The following SGMS2 variants were observed in gnomAD, a reference collection of about 807,000 sequenced individuals.
SGMS2 encodes sphingomyelin synthase 2, also known as phosphatidylcholine:ceramide cholinephosphotransferase 2.
SGMS2 carries 21 observed loss-of-function variants against 43.8 expected under a neutral mutation model. The observed-to-expected ratio is 0.48, with a 90% CI of 0.34 to 0.69. The LOEUF is 0.69. Among genes scored for constraint, SGMS2 ranks in the 30% least tolerant of loss-of-function variants. The probability of loss-of-function intolerance (pLI) is 0.01; values close to 1 mark genes in which losing one functional copy is unlikely to be tolerated. For missense variants in SGMS2, 384 were observed against 443.2 expected, an observed-to-expected ratio of 0.87 and a Z score of 1.20; for synonymous variants, 167 against 160.6, an observed-to-expected ratio of 1.04 and a Z score of -0.30.
At chr4:107,884,077 A>G (rs576427207) in intron 2 of SGMS2, among the ~76,000 whole-genome samples, 5 of 127,180 alleles carry the variant, frequency 3.9e-5, no homozygotes, top group Non-Finnish European at 6.5e-5. Flanking sequence ...AGTCTTCAAA[A>G]TAATGTTTTC....
intron 2 of SGMS2, among the ~76,000 whole-genome samples, chr4:107,882,582 T>A (rs77642609): frequency 0.011 from 1,631 of 152,178 alleles, 28 homozygotes; most frequent in African/African-American, 0.036. Flanking sequence ...TTTCAATTTT[T>A]AAAAAAAATC....
At chr4:107,862,140 T>A (rs1727769616) in intron 2 of SGMS2, among the ~76,000 whole-genome samples, 1 of 152,188 alleles carries the variant, frequency 6.6e-6, no homozygotes, top group African/African-American at 2.4e-5. Flanking sequence ...CGCATAGAAA[T>A]GACTGGGAAA....
chr4:107,830,202 A>G (rs1487735599), intron 1 of SGMS2, among the ~76,000 whole-genome samples: 1 of 152,170 alleles, frequency 6.6e-6, no homozygotes, highest in Non-Finnish European at 1.5e-5. Context: ...GCCACAAAGG[A>G]CATGATTTCA....
chr4:107,909,108 A>T (rs930479249), intron 6 of SGMS2, among the ~76,000 whole-genome samples: 1 of 145,096 alleles, frequency 6.9e-6, no homozygotes, highest in African/African-American at 2.6e-5. Flanking sequence ...TATTTTTTTT[A>T]ATTTTTTTTT....
intron 2 of SGMS2, among the ~76,000 whole-genome samples, chr4:107,888,079 C>T (rs1004545623): frequency 1.3e-4 from 20 of 152,082 alleles, no homozygotes; most frequent in African/African-American, 3.1e-4. Context: ...CTCATACGCC[C>T]ACCTCTTCCA....
At chr4:107,833,491 A>G (rs1202614642) in intron 1 of SGMS2, among the ~76,000 whole-genome samples, 15 of 152,246 alleles carry the variant, frequency 9.9e-5, no homozygotes, top group Non-Finnish European at 2.2e-4. Flanking sequence ...ATGTGACACC[A>G]TAAATGAAAA....
chr4:107,846,540 C>G (rs1449035424), intron 1 of SGMS2, among the ~76,000 whole-genome samples: 3 of 150,548 alleles, frequency 2.0e-5, no homozygotes, highest in African/African-American at 7.3e-5. Flanking sequence ...GGTTCCAAGT[C>G]TTTGCTATTG....
At chr4:107,874,940 C>A (rs1728798808) in intron 2 of SGMS2, among the ~76,000 whole-genome samples, 1 of 152,116 alleles carries the variant, frequency 6.6e-6, no homozygotes, top group African/African-American at 2.4e-5. Context: ...AGGTTATTTG[C>A]AGAAGCCAAT....
intron 2 of SGMS2, among the ~76,000 whole-genome samples, chr4:107,862,252 GTAA>G (rs1727777333): frequency 3.3e-5 from 5 of 152,170 alleles, no homozygotes; most frequent in Non-Finnish European, 7.3e-5. Context: ...GGCTCCTAGA[GTAA>G]CCCAGGCACA....
chr4:107,861,570 C>T lies in SGMS2; in HGVS notation c.-245+3017C>T, dbSNP rs112656039. 2.2e-4 allele frequency among the ~76,000 whole-genome samples: 34 copies of T among 152,186 alleles called. 1 individual carries two copies. Among genetic ancestry groups the T allele is most frequent in the African/African-American group, 8.2e-4 (34 of 41,518 alleles). On this transcript the variant is annotated intron_variant, in intron 2 of 6. Coordinates refer to ENST00000690982, the MANE Select transcript of SGMS2 (RefSeq NM_001375905.1). The stretch of plus-strand genomic sequence containing the variant: ...ACTAGTAATTGCAGCCTACAGTTAG[C>T]CAGTTCTAGATAATGAGGGTACTCT...
chr4:107,903,870 C>T (rs1485956207), intron 5 of SGMS2, among the ~76,000 whole-genome samples: 1 of 152,148 alleles, frequency 6.6e-6, no homozygotes, highest in African/African-American at 2.4e-5. Flanking sequence ...CCACTTTATT[C>T]TAATTTCATC....
chr4:107,906,268 T>C (rs754388360), intron 5 of SGMS2, among the ~76,000 whole-genome samples: 1 of 152,200 alleles, frequency 6.6e-6, no homozygotes, highest in Non-Finnish European at 1.5e-5. Context: ...CATGAGTAGA[T>C]TTAAATTTAG....
chr4:107,849,350 A>G (rs1471041036), intron 1 of SGMS2, among the ~76,000 whole-genome samples: 6 of 152,162 alleles, frequency 3.9e-5, no homozygotes, highest in Admixed American at 6.6e-5. Flanking sequence ...ACATGTGCCT[A>G]TTGAATACTT....
chr4:107,838,188 C>T (rs914138179), intron 1 of SGMS2, among the ~76,000 whole-genome samples: 2 of 152,168 alleles, frequency 1.3e-5, no homozygotes, highest in African/African-American at 4.8e-5. Context: ...CCAGATGCTA[C>T]AGGAACCAAA....
At chr4:107,836,190 C>G (rs1374358186) in intron 1 of SGMS2, among the ~76,000 whole-genome samples, 1 of 152,206 alleles carries the variant, frequency 6.6e-6, no homozygotes, top group East Asian at 1.9e-4. Context: ...ACGTCAAGCA[C>G]TCAGTTGCCA....
chr4:107,832,919 T>C (rs1725970381), intron 1 of SGMS2, among the ~76,000 whole-genome samples: 1 of 151,874 alleles, frequency 6.6e-6, no homozygotes, highest in Non-Finnish European at 1.5e-5. Context: ...TCCCAGCTAT[T>C]TGGGAGGCAG....
intron 1 of SGMS2, among the ~76,000 whole-genome samples, chr4:107,829,838 G>A (rs932710181): frequency 2.8e-5 from 4 of 143,752 alleles, no homozygotes; most frequent in African/African-American, 8.3e-5. Context: ...GCCTTCCAAC[G>A]TGGTGAATAA....
chr4:107,840,068 A>G (rs2125996875), intron 1 of SGMS2, among the ~76,000 whole-genome samples: 1 of 152,336 alleles, frequency 6.6e-6, no homozygotes. Context: ...TTTAATAGAA[A>G]ACTGAAGAGT....
chr4:107,865,908 C>T (rs1728079599), intron 2 of SGMS2, among the ~76,000 whole-genome samples: 1 of 152,080 alleles, frequency 6.6e-6, no homozygotes. Context: ...GTGGCTTATT[C>T]TGACTGTGTG....
Sources: gnomAD v4.1 joint callset for allele counts (sites outside exome capture counted in the v4.1 genomes callset) on GRCh38, gnomAD v4.1.1 for gene constraint, MANE v1.5 for transcripts, NCBI Gene and HGNC (gene_info 2026-07-23, HGNC 2026-07-21) for gene names.